Variants in PGBD2 observed in about 807,000 individuals in gnomAD.
PGBD2 encodes the protein piggyBac transposable element derived 2.
Under a neutral mutation model 8.1 loss-of-function variants are expected in PGBD2, and 6 were observed. The observed-to-expected ratio is 0.74, with a 90% CI of 0.40 to 1.46. The LOEUF is 1.46. Among genes scored for constraint, PGBD2 ranks in the 40% most tolerant of loss-of-function variants. The pLI is 0.02. For missense variants in PGBD2, 802 were observed against 739.0 expected (o/e 1.09, Z -0.99); for synonymous variants, 318 against 272.2 (o/e 1.17, Z -1.66).
downstream of PGBD2, among the ~76,000 whole-genome samples, chr1:248,922,875 AT>A (rs1315470209): frequency 6.6e-6 from 1 of 151,800 alleles, no homozygotes; most frequent in African/African-American, 2.4e-5. Context: ...TTTGTTGAGG[AT>A]TTTTGCGTTG....
chr1:248,925,022 C>G, the PGBD2 span, among the ~76,000 whole-genome samples: 1 of 149,092 alleles, frequency 6.7e-6, no homozygotes, highest in African/African-American at 2.5e-5. Flanking sequence ...TTTTTTTTTT[C>G]TTTTTCAAAT....
Position 248,917,731 on chromosome 1 carries a change from C to A in PGBD2, c.1147C>A (p.Pro383Thr), listed in dbSNP as rs772331580. Residue 383 changes from proline to threonine, a missense_variant, in exon 3 of 3, where the codon CCC becomes ACC. By Grantham distance (38) the Pro-to-Thr change is conservative. Coordinates refer to ENST00000329291, the MANE Select transcript of PGBD2 (RefSeq NM_170725.3). ...TVREYRTERC[P>T]LKDPKELKKM... ...TCGTGAGTACAGGACTGAGCGATGT[C>A]CCCTAAAAGACCCCAAAGAACTGAA... 3.7e-6 allele frequency: 6 copies of A among 1,614,136 alleles called. No homozygotes were observed. Among genetic ancestry groups the A allele is most frequent in the Non-Finnish European group, 5.1e-6 (6 of 1,180,034 alleles).
intron 1 of PGBD2, among the ~76,000 whole-genome samples, chr1:248,910,958 C>T (rs904782870): frequency 6.6e-6 from 1 of 152,136 alleles, no homozygotes; most frequent in Non-Finnish European, 1.5e-5. Context: ...ACCACCACCA[C>T]AACCAAGATC....
the PGBD2 span, among the ~76,000 whole-genome samples, chr1:248,926,293 T>A: frequency 1.3e-4 from 20 of 152,288 alleles, no homozygotes; most frequent in African/African-American, 4.8e-4. Flanking sequence ...ATAATGTAAA[T>A]AATTTTACAT....
upstream of PGBD2, among the ~76,000 whole-genome samples, chr1:248,906,029 G>A (rs994984111): frequency 8.5e-5 from 13 of 152,198 alleles, no homozygotes; most frequent in African/African-American, 2.4e-4. Flanking sequence ...AAGTAGGACA[G>A]GGGTGGGAGG....
intron 1 of PGBD2, among the ~76,000 whole-genome samples, chr1:248,908,218 C>T (rs1310749079): frequency 6.6e-6 from 1 of 152,150 alleles, no homozygotes; most frequent in Non-Finnish European, 1.5e-5. Flanking sequence ...TAAACAGCAG[C>T]TCTCCCACCT....
chr1:248,876,439 T>A, the PGBD2 span, among the ~76,000 whole-genome samples: 163 of 152,348 alleles, frequency 1.1e-3, 1 homozygote, highest in Middle Eastern at 3.4e-3. Context: ...TCCACTGTGG[T>A]TTCCAGTGTT....
At chr1:248,894,328 T>C in the PGBD2 span, among the ~76,000 whole-genome samples, 5 of 152,286 alleles carry the variant, frequency 3.3e-5, no homozygotes, top group African/African-American at 1.2e-4. Flanking sequence ...ATATATGAAA[T>C]CATTGCCTGG....
chr1:248,874,406 C>CA, the PGBD2 span, among the ~76,000 whole-genome samples: 3 of 152,254 alleles, frequency 2.0e-5, no homozygotes, highest in Admixed American at 1.3e-4. Flanking sequence ...AAACAAAGGG[C>CA]AAAACGCACC....
chr1:248,911,645 A>G (rs1661884217), intron 1 of PGBD2, among the ~76,000 whole-genome samples: 2 of 148,060 alleles, frequency 1.4e-5, no homozygotes, highest in African/African-American at 2.7e-5. Context: ...CACCTCCCAG[A>G]CGGGGCGGCT....
Position 248,917,250 on chromosome 1 carries a change from A to G in PGBD2, c.666A>G (p.Glu222=), listed in dbSNP as rs755412692. ...ATGCAATTAGAAGGGACAGATTTGAACTAATCTTCTCATACTTACATTTTG... is the reference window on the plus strand; with the variant it reads ...ATGCAATTAGAAGGGACAGATTTGAGCTAATCTTCTCATACTTACATTTTG... ...VADAIRRDRF[E]LIFSYLHFAD... Residue 222 remains glutamate (E), a synonymous_variant, in exon 3 of 3, where the codon GAA becomes GAG. Coordinates refer to ENST00000329291, the MANE Select transcript of PGBD2 (RefSeq NM_170725.3). 20 of 1,614,178 alleles carry G rather than the reference A, an allele frequency of 1.2e-5. No individual in the cohort carries two copies. Among genetic ancestry groups the G allele is most frequent in the East Asian group, 1.1e-4 (5 of 44,892 alleles).
chr1:248,903,197 T>C (rs1181130472), upstream of PGBD2, among the ~76,000 whole-genome samples: 3 of 152,140 alleles, frequency 2.0e-5, no homozygotes, highest in African/African-American at 7.2e-5. Context: ...AAATTTATTT[T>C]TATTTTTTGT....
chr1:248,913,574 C>T (rs377117893), intron 1 of PGBD2, among the ~76,000 whole-genome samples: 104 of 152,276 alleles, frequency 6.8e-4, no homozygotes, highest in African/African-American at 2.2e-3. Context: ...TGGAAAGCCC[C>T]GCCACCCCAC....
At chr1:248,914,318 C>A in intron 2 of PGBD2, 2 of 829,688 alleles carry the variant, frequency 2.4e-6, no homozygotes, top group Non-Finnish European at 1.5e-6. Context: ...CCCCTGTGAA[C>A]TGGGTGAGGA....
chr1:248,909,213 A>G (rs886439218), intron 1 of PGBD2, among the ~76,000 whole-genome samples: 13 of 152,214 alleles, frequency 8.5e-5, no homozygotes, highest in Non-Finnish European at 1.2e-4. Flanking sequence ...TGGAGGAGCC[A>G]CATGTGAGGG....
rs777039626 is a variant in PGBD2 at position 248,917,545 on chromosome 1, G to A, written c.961G>A (p.Asp321Asn). 4 of 1,614,214 alleles carry A rather than the reference G, an allele frequency of 2.5e-6. No homozygotes were observed. The East Asian group carries it at 8.9e-5, about 36-fold the overall frequency. ...PSQGTLFTKPDRSLDLGGSMV... is the reference protein window; with the variant it reads ...PSQGTLFTKPNRSLDLGGSMV... ...ACAGGGCACACTGTTTACCAAGCCA[G>A]ACAGGAGCTTGGATCTAGGAGGCAG... is the stretch of plus-strand genomic sequence containing the variant. Residue 321 changes from aspartate to asparagine, a missense_variant, in exon 3 of 3, where the codon GAC becomes AAC. Transcript: ENST00000329291.
the PGBD2 span, among the ~76,000 whole-genome samples, chr1:248,882,567 C>T: frequency 6.6e-6 from 1 of 152,118 alleles, no homozygotes; most frequent in Admixed American, 6.5e-5. Flanking sequence ...TGCCTTAACC[C>T]TAAAGAGGCC....
chr1:248,887,164 C>T, the PGBD2 span, among the ~76,000 whole-genome samples: 1 of 152,042 alleles, frequency 6.6e-6, no homozygotes, highest in Non-Finnish European at 1.5e-5. Context: ...AACATTTTAC[C>T]TGATCATAGT....
chr1:248,911,885 G>T (rs2103108669), intron 1 of PGBD2, among the ~76,000 whole-genome samples: 1 of 151,998 alleles, frequency 6.6e-6, no homozygotes, highest in Admixed American at 6.5e-5. Flanking sequence ...GACAGAGAAG[G>T]ATATGACACC....
Sources: allele counts gnomAD v4.1 joint callset (sites outside exome capture counted in the v4.1 genomes callset), GRCh38; gene constraint gnomAD v4.1.1; transcripts MANE v1.5; gene names NCBI Gene and HGNC (gene_info 2026-07-23, HGNC 2026-07-21).